The following LRRC40 variants were observed in gnomAD, a reference collection of about 807,000 sequenced individuals.
LRRC40 encodes the protein leucine-rich repeat-containing protein 40.
A neutral mutation model predicts 72.8 loss-of-function variants in LRRC40; 76 were observed. That is an observed-to-expected ratio of 1.04 (90% CI 0.87 to 1.26). The LOEUF is 1.26. Ranked by LOEUF, LRRC40 falls within the 50% of genes most tolerant of loss-of-function variation. LRRC40 has a pLI of 0.00. For missense variants in LRRC40, 684 were observed against 698.9 expected (o/e 0.98, Z 0.24); for synonymous variants, 243 against 254.2 (o/e 0.96, Z 0.42).
At chr1:70,180,378 G>A (rs1016387164) in intron 5 of LRRC40, 1 of 152,238 alleles carries the variant, frequency 6.6e-6, no homozygotes, top group Non-Finnish European at 1.5e-5. Context: ...CTAGGCTCAA[G>A]CGATCCTCCT....
intron 9 of LRRC40, among the ~76,000 whole-genome samples, chr1:70,163,100 G>A (rs1346356440): frequency 6.9e-5 from 10 of 145,334 alleles, no homozygotes; most frequent in African/African-American, 1.0e-4. Context: ...TTTTTGAGAC[G>A]GAGTCTCACT....
intron 13 of LRRC40, among the ~76,000 whole-genome samples, chr1:70,150,468 T>A (rs1667449220): frequency 6.6e-6 from 1 of 152,134 alleles, no homozygotes; most frequent in South Asian, 2.1e-4. Context: ...GTAAAGTACT[T>A]AGTACAGCAC....
Position 70,148,622 on chromosome 1 carries a change from A to G in LRRC40, c.1568T>C (p.Ile523Thr). 6.2e-7 allele frequency: 1 copy of G among 1,612,506 alleles called. No individual in the cohort carries two copies. The highest frequency in any genetic ancestry group is 8.5e-7 in the Non-Finnish European group (1 of 1,178,816). The change falls in exon 14 of 15, where the codon ATT becomes ACT. Residue 523 changes from isoleucine to threonine, a missense_variant. Ile to Thr is a moderately conservative substitution (Grantham distance 89). Coordinates refer to ENST00000370952, the MANE Select transcript of LRRC40 (RefSeq NM_017768.5). The stretch of plus-strand genomic sequence containing the variant: ...TCCAACCTGATTATTACTAATCAGA[A>G]TTGTTTCAAGTGTGAAGATACGATA... ...VLYRIFTLET[I>T]LISNNQVGSV...
chr1:70,181,036 A>C (rs747641891), intron 5 of LRRC40, 50 bp downstream of exon 5: 11 of 1,277,642 alleles, frequency 8.6e-6, no homozygotes, highest in Non-Finnish European at 1.2e-5. Context: ...TCTAAATGTA[A>C]GTTGCACCAA....
Position 70,145,584 on chromosome 1 carries a change from A to G in LRRC40, c.*216T>C, listed in dbSNP as rs1667265213. On this transcript the variant is annotated 3_prime_UTR_variant, in exon 15 of 15. Coordinates refer to ENST00000370952, the MANE Select transcript of LRRC40 (RefSeq NM_017768.5). ...GTGGTTATCACCATTACAAATGTATACAACACCTTACAAAAATCTTAAATA... is the reference window on the plus strand; with the variant it reads ...GTGGTTATCACCATTACAAATGTATGCAACACCTTACAAAAATCTTAAATA... 5.5e-6 allele frequency: 2 copies of G among 361,576 alleles called. No individual in the cohort carries two copies. The highest frequency in any genetic ancestry group is 8.8e-5 in the Admixed American group (2 of 22,736). 22.4% of individuals were successfully genotyped at this position (361,576 alleles called of 1,614,324 possible).
chr1:70,200,322 C>T (rs144381663), intron 1 of LRRC40, among the ~76,000 whole-genome samples: 35 of 151,972 alleles, frequency 2.3e-4, no homozygotes, highest in Non-Finnish European at 3.5e-4. Flanking sequence ...CAACATTAGC[C>T]GGGCACAGTG....
At chr1:70,162,464 G>A (rs1025391043) in intron 9 of LRRC40, among the ~76,000 whole-genome samples, 1 of 152,166 alleles carries the variant, frequency 6.6e-6, no homozygotes, top group African/African-American at 2.4e-5. Flanking sequence ...TATGAATCAT[G>A]AATTCTGAGA....
intron 5 of LRRC40, chr1:70,180,374 T>G (rs1297300541): frequency 6.6e-6 from 1 of 152,198 alleles, no homozygotes; most frequent in African/African-American, 2.4e-5. Flanking sequence ...CTCCCTAGGC[T>G]CAAGCGATCC....
At chr1:70,189,003 C>T in intron 2 of LRRC40, 89 bp downstream of exon 2, 2 of 1,126,350 alleles carry the variant, frequency 1.8e-6, no homozygotes, top group Non-Finnish European at 1.3e-6. Context: ...ATTACCAACT[C>T]AACATGAAAG....
chr1:70,174,850 C>T (rs190370719), intron 7 of LRRC40, among the ~76,000 whole-genome samples: 11 of 152,080 alleles, frequency 7.2e-5, no homozygotes, highest in Admixed American at 2.0e-4. Flanking sequence ...GCTGTGATTA[C>T]GGTTACACAA....
At chr1:70,178,712 A>G (rs1282267045) in intron 6 of LRRC40, 139 bp downstream of exon 6, 6 of 413,914 alleles carry the variant, frequency 1.4e-5, no homozygotes, top group African/African-American at 1.2e-4. Flanking sequence ...AAAATTCTGA[A>G]AAGTATTAAC....
intron 10 of LRRC40, among the ~76,000 whole-genome samples, chr1:70,157,237 T>C (rs1667657562): frequency 6.6e-6 from 1 of 152,244 alleles, no homozygotes; most frequent in African/African-American, 2.4e-5. Context: ...CATTTTCTTC[T>C]GTGTAGATGC....
intron 1 of LRRC40, among the ~76,000 whole-genome samples, chr1:70,190,778 G>A (rs1012899555): frequency 6.7e-5 from 10 of 149,510 alleles, no homozygotes; most frequent in African/African-American, 2.5e-4. Context: ...TACTCCTTAT[G>A]TCTGATTATG....
chr1:70,198,531 C>T (rs1165843221), intron 1 of LRRC40, among the ~76,000 whole-genome samples: 1 of 152,162 alleles, frequency 6.6e-6, no homozygotes, highest in Non-Finnish European at 1.5e-5. Context: ...AATATTGAAC[C>T]AAACTGACAA....
Position 70,181,024 on chromosome 1 carries a change from T to C in LRRC40, c.661+62A>G, listed in dbSNP as rs1434519804. On this transcript the variant is annotated intron_variant, in intron 5 of 14. Coordinates refer to ENST00000370952, the MANE Select transcript of LRRC40 (RefSeq NM_017768.5). ...TCTCTGTAACTATATTAAAAATTAC[T>C]TTCTAAATGTAAGTTGCACCAACTT... 6 of 1,199,334 alleles carry C rather than the reference T, an allele frequency of 5.0e-6. No individual in the cohort carries two copies. The African/African-American group carries it at 7.9e-5, about 16-fold the overall frequency. The allele number at this position is 1,199,334 out of a possible 1,614,324, so 74.3% of individuals were successfully genotyped here.
intron 9 of LRRC40, among the ~76,000 whole-genome samples, chr1:70,167,486 G>C (rs1465912716): frequency 6.6e-6 from 1 of 151,994 alleles, no homozygotes; most frequent in Non-Finnish European, 1.5e-5. Flanking sequence ...CTTGAACCTG[G>C]GAGGCGGAGG....
At chr1:70,151,253 A>G (rs1242319615) in intron 12 of LRRC40, 48 bp from the exon 13 acceptor site, 1 of 883,816 alleles carries the variant, frequency 1.1e-6, no homozygotes. Context: ...GAAAAATTTT[A>G]CAAGTTTAAT....
chr1:70,168,472 C>G (rs555876387), intron 9 of LRRC40, among the ~76,000 whole-genome samples: 2 of 152,338 alleles, frequency 1.3e-5, no homozygotes, highest in East Asian at 1.9e-4. Flanking sequence ...AGCTTCACAG[C>G]CTGTGCTCAA....
chr1:70,194,282 T>C (rs1270067692), intron 1 of LRRC40, among the ~76,000 whole-genome samples: 1 of 151,916 alleles, frequency 6.6e-6, no homozygotes, highest in African/African-American at 2.4e-5. Context: ...AAATCAACTA[T>C]GTTTCTATGT....
Sources: allele counts gnomAD v4.1 joint callset (sites outside exome capture counted in the v4.1 genomes callset), GRCh38; gene constraint gnomAD v4.1.1; transcripts MANE v1.5; gene names NCBI Gene and HGNC (gene_info 2026-07-23, HGNC 2026-07-21).